The following SPECC1 variants were observed in gnomAD, a reference collection of about 807,000 sequenced individuals.
The protein encoded by SPECC1 is sperm antigen with calponin homology and coiled-coil domains 1, also known as cytospin-B.
Under a neutral mutation model 104.1 loss-of-function variants are expected in SPECC1, and 62 were observed. That is an observed-to-expected ratio of 0.60 (90% CI 0.49 to 0.74). The LOEUF is 0.74. SPECC1 is among the 30% of genes least tolerant of loss of function. The probability of loss-of-function intolerance (pLI) is 0.00; values close to 1 mark genes in which losing one functional copy is unlikely to be tolerated. For missense variants in SPECC1, 1,306 were observed against 1,310.5 expected (o/e 1.00, Z 0.05); for synonymous variants, 513 against 501.6 (o/e 1.02, Z -0.30).
chr17:20,140,529 A>G (rs1167675572), intron 3 of SPECC1, among the ~76,000 whole-genome samples: 1 of 152,190 alleles, frequency 6.6e-6, no homozygotes, highest in East Asian at 1.9e-4. Flanking sequence ...TTCACTAGTT[A>G]ATGTACAAAG....
intron 3 of SPECC1, among the ~76,000 whole-genome samples, chr17:20,151,072 A>G (rs904310968): frequency 6.6e-6 from 1 of 152,250 alleles, no homozygotes; most frequent in Non-Finnish European, 1.5e-5. Flanking sequence ...ATATGTAATT[A>G]TAATGTCCAA....
chr17:20,141,526 C>T (rs1041714406), intron 3 of SPECC1, among the ~76,000 whole-genome samples: 1 of 152,114 alleles, frequency 6.6e-6, no homozygotes, highest in African/African-American at 2.4e-5. Flanking sequence ...CTGCTTGTCT[C>T]CCTTGACTTT....
rs547492848 is a variant in SPECC1, at chr17:20,232,125, G to A, written c.2146-75G>A. 83 of 1,549,086 alleles carry A rather than the reference G, an allele frequency of 5.4e-5. No homozygotes were observed. In the East Asian group the frequency reaches 9.7e-4, roughly 18 times the overall value. The stretch of plus-strand genomic sequence containing the variant: ...GCATTTTTTTCTTGGTGACCAACAC[G>A]GGGACTCTGGGGTCCCTGCCCAGGC... On this transcript the variant is annotated intron_variant, in intron 6 of 14. Transcript: ENST00000395527.
intron 2 of SPECC1, among the ~76,000 whole-genome samples, chr17:20,099,705 A>C (rs1161084702): frequency 6.8e-6 from 1 of 148,020 alleles, no homozygotes; most frequent in East Asian, 1.9e-4. Context: ...AAAAAAAAAA[A>C]AAAAAAAAAA....
chr17:20,073,061 A>G (rs2046620081), intron 1 of SPECC1, among the ~76,000 whole-genome samples: 1 of 152,142 alleles, frequency 6.6e-6, no homozygotes, highest in African/African-American at 2.4e-5. Context: ...AAAATTAAGT[A>G]TGAAAAGATT....
At chr17:20,242,128 C>G (rs537737928) in intron 7 of SPECC1, among the ~76,000 whole-genome samples, 1 of 152,274 alleles carries the variant, frequency 6.6e-6, no homozygotes, top group East Asian at 1.9e-4. Context: ...ATGGAGTTAA[C>G]CTTTGAATAC....
At chr17:20,220,823 A>C (rs969916770) in intron 4 of SPECC1, among the ~76,000 whole-genome samples, 1 of 152,094 alleles carries the variant, frequency 6.6e-6, no homozygotes, top group African/African-American at 2.4e-5. Context: ...TCTGTTGTAT[A>C]TGGCTTTTAT....
intron 1 of SPECC1, among the ~76,000 whole-genome samples, chr17:20,064,655 C>T (rs1173994495): frequency 1.3e-5 from 2 of 152,084 alleles, no homozygotes; most frequent in Non-Finnish European, 2.9e-5. Flanking sequence ...CACCTGGCAC[C>T]ACAGTATTGT....
chr17:20,143,957 G>T (rs1359352362), intron 3 of SPECC1, among the ~76,000 whole-genome samples: 1 of 152,112 alleles, frequency 6.6e-6, no homozygotes, highest in Non-Finnish European at 1.5e-5. Flanking sequence ...TGCCATTAGT[G>T]GAGGGAGGGG....
chr17:20,243,640 C>G (rs2039298620), intron 7 of SPECC1, among the ~76,000 whole-genome samples: 2 of 152,136 alleles, frequency 1.3e-5, no homozygotes, highest in South Asian at 4.1e-4. Context: ...ACAGGGTTTT[C>G]TCATACTGAC....
intron 9 of SPECC1, among the ~76,000 whole-genome samples, chr17:20,248,037 A>C (rs1232172768): frequency 9.2e-5 from 14 of 152,212 alleles, no homozygotes; most frequent in Admixed American, 9.2e-4. Flanking sequence ...ACTGCTACCA[A>C]GATCTAGGAT....
Position 20,297,046 on chromosome 17 carries a change from T to C in SPECC1, c.3026T>C (p.Ile1009Thr). The C allele has an allele frequency of 6.2e-7, 1 of 1,613,952 alleles. No homozygotes were observed. Among genetic ancestry groups the C allele is most frequent in the East Asian group, 2.2e-5 (1 of 44,892 alleles). The change falls in exon 13 of 15, where the codon ATC becomes ACC. Residue 1009 changes from isoleucine (I) to threonine (T), a missense_variant. This residue lies in a region of SPECC1 where 129 missense variants were observed against 170.6 expected (regional missense o/e 0.76). Coordinates refer to ENST00000395527, the MANE Select transcript of SPECC1 (RefSeq NM_001243439.2). ...CTCCACACCTACCTGCCTGCCCACA[T>C]CCCCTACCAGGAGCTGAATAGTCAG... The part of the protein sequence containing the change: ...ALLHTYLPAH[I>T]PYQELNSQEK...
Position 20,193,661 on chromosome 17 carries a change from A to G in SPECC1, c.284-10672A>G, listed in dbSNP as rs868679497. Among the ~76,000 whole-genome samples, 8 of 152,352 alleles carry G rather than the reference A, an allele frequency of 5.3e-5. No homozygotes were observed. In the Middle Eastern group the frequency reaches 0.017, roughly 324 times the overall value. On this transcript the variant is annotated intron_variant, in intron 3 of 14. Transcript: ENST00000395527. The stretch of plus-strand genomic sequence containing the variant: ...AAGATGAATAAGAGTTTAAGAAAAC[A>G]TTCAGTAAGCTTGTCCTGTATTCCT...
intron 3 of SPECC1, among the ~76,000 whole-genome samples, chr17:20,124,038 A>T (rs1443922270): frequency 1.3e-5 from 2 of 151,946 alleles, no homozygotes; most frequent in Non-Finnish European, 2.9e-5. Context: ...GAGGAAGGGG[A>T]TGTTGGAAGT....
At chr17:20,145,474 C>T (rs1208025073) in intron 3 of SPECC1, among the ~76,000 whole-genome samples, 1 of 152,170 alleles carries the variant, frequency 6.6e-6, no homozygotes, top group Non-Finnish European at 1.5e-5. Flanking sequence ...GCTGGCTTGG[C>T]CCTCTGGCCA....
intron 13 of SPECC1, among the ~76,000 whole-genome samples, chr17:20,299,412 T>C (rs1312852787): frequency 6.6e-6 from 1 of 151,658 alleles, no homozygotes; most frequent in Non-Finnish European, 1.5e-5. Flanking sequence ...TTTTTTCAAT[T>C]AGCTGAGCTT....
chr17:20,256,993 G>A (rs1461967521), intron 10 of SPECC1, among the ~76,000 whole-genome samples: 2 of 152,230 alleles, frequency 1.3e-5, no homozygotes, highest in Admixed American at 6.5e-5. Context: ...CCTATGGCTA[G>A]AATGGCCTTT....
chr17:20,149,228 CTGG>C (rs1273713301), intron 3 of SPECC1, among the ~76,000 whole-genome samples: 1 of 152,144 alleles, frequency 6.6e-6, no homozygotes, highest in Non-Finnish European at 1.5e-5. Context: ...AACACAAACT[CTGG>C]AGTTAAATGG....
intron 5 of SPECC1, 134 bp downstream of exon 5, chr17:20,227,754 A>G (rs1318094249): frequency 3.3e-4 from 252 of 773,618 alleles, no homozygotes; most frequent in Non-Finnish European, 1.4e-5. Context: ...TGTCTCTACT[A>G]AAAATACAAA....
Sources: gnomAD v4.1 joint callset for allele counts (sites outside exome capture counted in the v4.1 genomes callset) on GRCh38, gnomAD v4.1.1 for gene constraint, gnomAD v4.1.1 regional missense constraint, MANE v1.5 for transcripts, NCBI Gene and HGNC (gene_info 2026-07-23, HGNC 2026-07-21) for gene names.